The following UNC79 variants were observed in gnomAD, a reference collection of about 807,000 sequenced individuals.
The protein encoded by UNC79 is unc-79 subunit of NALCN channel complex, also known as protein unc-79 homolog.
UNC79 carries 37 observed loss-of-function variants against 283.1 expected under a neutral mutation model. The ratio of observed to expected loss-of-function variants is 0.13; its 90% CI spans 0.10 to 0.17. The LOEUF is 0.17. UNC79 is among the 10% of genes least tolerant of loss of function. The probability of loss-of-function intolerance (pLI) is 1.00; values close to 1 mark genes in which losing one functional copy is unlikely to be tolerated. For synonymous variants in UNC79, 1,107 were observed against 1,200.2 expected (o/e 0.92, Z 1.61); for missense variants, 2,272 against 3,211.1 (o/e 0.71, Z 7.07).
At chr14:93,378,443 C>T (rs2054603164) in intron 1 of UNC79, among the ~76,000 whole-genome samples, 1 of 151,934 alleles carries the variant, frequency 6.6e-6, no homozygotes, top group South Asian at 2.1e-4. Context: ...GTTTAGTATC[C>T]CTTATCTGAA....
chr14:93,618,662 G>A (rs998134367), intron 29 of UNC79, among the ~76,000 whole-genome samples: 2 of 152,120 alleles, frequency 1.3e-5, no homozygotes, highest in African/African-American at 4.8e-5. Flanking sequence ...CTCGTTTTTG[G>A]GCTATAAAAT....
chr14:93,438,917 T>C (rs1224672481), intron 1 of UNC79, among the ~76,000 whole-genome samples: 2 of 152,056 alleles, frequency 1.3e-5, no homozygotes, highest in African/African-American at 2.4e-5. Context: ...TTTTCTCATA[T>C]AGATTTTGGA....
chr14:93,404,493 A>AAAAAAAAAAAAAAAAAAATATATATAT, intron 1 of UNC79, among the ~76,000 whole-genome samples: 1 of 61,512 alleles, frequency 1.6e-5, no homozygotes, highest in African/African-American at 6.7e-5. Context: ...TTCTAAAAAA[A>AAAAAAAAAAAAAAAAAAATATATATAT]ATATATATAT....
intron 7 of UNC79, among the ~76,000 whole-genome samples, chr14:93,502,344 C>T (rs1273051437): frequency 1.3e-5 from 2 of 152,026 alleles, no homozygotes; most frequent in African/African-American, 2.4e-5. Flanking sequence ...ACCCAGGAGG[C>T]GGAGTTTGCA....
intron 32 of UNC79, among the ~76,000 whole-genome samples, chr14:93,637,710 G>A (rs766627958): frequency 7.9e-5 from 12 of 152,008 alleles, no homozygotes; most frequent in East Asian, 1.9e-4. Context: ...CACCTGCCTC[G>A]ACCTCCCAAA....
At chr14:93,691,185 A>C (rs2074665161) in intron 45 of UNC79, 1 of 158,320 alleles carries the variant, frequency 6.3e-6, no homozygotes, top group Admixed American at 5.9e-5. Flanking sequence ...TGTGAAATAG[A>C]CGAGGGGATG....
At chr14:93,491,223 A>G (rs2058707326) in intron 5 of UNC79, among the ~76,000 whole-genome samples, 1 of 152,118 alleles carries the variant, frequency 6.6e-6, no homozygotes, top group East Asian at 1.9e-4. Context: ...GATTTAACAG[A>G]AGAATTTTGA....
chr14:93,604,362 T>A (rs2065734161), intron 26 of UNC79, among the ~76,000 whole-genome samples: 1 of 152,240 alleles, frequency 6.6e-6, no homozygotes. Context: ...TTTGATTTTA[T>A]TCATTACATT....
upstream of UNC79, among the ~76,000 whole-genome samples, chr14:93,427,184 GCT>G (rs1038675570): frequency 3.9e-5 from 6 of 152,212 alleles, 1 homozygote; most frequent in African/African-American, 1.4e-4. Context: ...CTTTACTGTG[GCT>G]CTCTCTTTCT....
intron 26 of UNC79, among the ~76,000 whole-genome samples, chr14:93,610,527 A>G (rs1272982774): frequency 6.6e-6 from 1 of 152,254 alleles, no homozygotes; most frequent in East Asian, 1.9e-4. Context: ...AAACATGTCC[A>G]AAGCAATAAT....
intron 7 of UNC79, among the ~76,000 whole-genome samples, chr14:93,501,820 G>T (rs2059305845): frequency 6.6e-6 from 1 of 152,148 alleles, no homozygotes; most frequent in African/African-American, 2.4e-5. Flanking sequence ...AGATCATATT[G>T]TATGTAATTA....
At position 93,593,749 on chromosome 14, in the gene UNC79, C is replaced by T. The variant is rs144951498; in HGVS notation, c.3102C>T (p.Ala1034=). ...TGGCAGTCCCTCTTCTCCTCCATGC[C>T]CTGTCACTTCCTCATGGTGCTGACA... Residue 1034 remains alanine (A), a synonymous_variant, in exon 23 of 49, where the codon GCC becomes GCT. Transcript: ENST00000555664. 2.8e-4 allele frequency: 452 copies of T among 1,614,104 alleles called. No individual in the cohort carries two copies. The highest frequency in any genetic ancestry group is 3.5e-4 in the Non-Finnish European group (418 of 1,179,976).
chr14:93,521,524 G>A (rs1327510575), intron 7 of UNC79, among the ~76,000 whole-genome samples: 1 of 151,640 alleles, frequency 6.6e-6, no homozygotes, highest in Non-Finnish European at 1.5e-5. Context: ...CCCTTTCTAG[G>A]GCCAAGGTCT....
intron 25 of UNC79, among the ~76,000 whole-genome samples, chr14:93,602,404 T>C (rs2065574442): frequency 6.6e-6 from 1 of 152,210 alleles, no homozygotes; most frequent in Admixed American, 6.5e-5. Flanking sequence ...TGAAGATCAG[T>C]TGGCTGTAAG....
intron 1 of UNC79, among the ~76,000 whole-genome samples, chr14:93,401,077 G>A (rs2140027978): frequency 6.6e-6 from 1 of 152,278 alleles, no homozygotes; most frequent in Non-Finnish European, 1.5e-5. Flanking sequence ...TAAGGTATTA[G>A]TGGGGCATCC....
At chr14:93,399,758 A>G (rs76405570) in intron 1 of UNC79, among the ~76,000 whole-genome samples, 2,123 of 152,220 alleles carry the variant, frequency 0.014, 63 homozygotes, top group African/African-American at 0.049. Context: ...TAGAGGGTTT[A>G]TTGTGAGGGA....
chr14:93,490,729 G>A (rs1216033327), intron 5 of UNC79, among the ~76,000 whole-genome samples: 1 of 152,172 alleles, frequency 6.6e-6, no homozygotes, highest in Non-Finnish European at 1.5e-5. Context: ...GAAGATTGAA[G>A]CTTTTTCTAC....
chr14:93,563,093 G>T (rs2062662691), intron 14 of UNC79, among the ~76,000 whole-genome samples: 1 of 152,168 alleles, frequency 6.6e-6, no homozygotes, highest in Non-Finnish European at 1.5e-5. Context: ...AATACAATGG[G>T]TCTGTGAGGC....
intron 22 of UNC79, among the ~76,000 whole-genome samples, chr14:93,588,134 T>C (rs2064349251): frequency 6.6e-6 from 1 of 152,060 alleles, no homozygotes; most frequent in Non-Finnish European, 1.5e-5. Context: ...TAATGGAAAA[T>C]GAGGCTGGAG....
Sources: allele counts gnomAD v4.1 joint callset (sites outside exome capture counted in the v4.1 genomes callset), GRCh38; gene constraint gnomAD v4.1.1; transcripts MANE v1.5; gene names NCBI Gene and HGNC (gene_info 2026-07-23, HGNC 2026-07-21).